The following GARIN2 variants were observed in gnomAD, a reference collection of about 807,000 sequenced individuals.
GARIN2 encodes the protein golgi associated RAB2 interactor family member 2.
At chr14:67,204,675 A>G in the GARIN2 span, 38 of 1,613,924 alleles carry the variant, frequency 2.4e-5, no homozygotes, top group Non-Finnish European at 3.1e-5. Flanking sequence ...TGTTTTCTCA[A>G]TGGGTGGCCC....
chr14:67,190,934 A>G, the GARIN2 span, among the ~76,000 whole-genome samples: 2 of 152,234 alleles, frequency 1.3e-5, no homozygotes, highest in African/African-American at 2.4e-5. Context: ...AAATGCTGTC[A>G]TTTAAGAGCT....
At chr14:67,204,648 A>G in the GARIN2 span, 7 of 1,613,804 alleles carry the variant, frequency 4.3e-6, no homozygotes, top group Admixed American at 1.2e-4. Context: ...GCACCTCTGC[A>G]TATAAACAGG....
chr14:67,214,646 C>T, the GARIN2 span, among the ~76,000 whole-genome samples: 6 of 151,762 alleles, frequency 4.0e-5, no homozygotes, highest in South Asian at 2.1e-4. Context: ...CTTGGCGATG[C>T]GGGCTCTTTT....
chr14:67,199,924 G>A, the GARIN2 span: 8 of 1,471,906 alleles, frequency 5.4e-6, no homozygotes, highest in South Asian at 1.1e-4. Flanking sequence ...TCCTGGTCAT[G>A]GACACTCCCA....
At chr14:67,199,916 C>CCA in the GARIN2 span, 1 of 1,474,308 alleles carries the variant, frequency 6.8e-7, no homozygotes, top group East Asian at 2.3e-5. Context: ...GCAGGACATC[C>CCA]TGGTCATGGA....
the GARIN2 span, among the ~76,000 whole-genome samples, chr14:67,193,116 C>CTATA: frequency 6.3e-5 from 9 of 142,000 alleles, no homozygotes; most frequent in African/African-American, 2.3e-4. Flanking sequence ...ATATAGATAT[C>CTATA]TCTCTATATA....
the GARIN2 span, among the ~76,000 whole-genome samples, chr14:67,206,706 G>A: frequency 6.6e-6 from 1 of 151,826 alleles, no homozygotes; most frequent in African/African-American, 2.4e-5. Flanking sequence ...TCTGGGCAGT[G>A]GCATCAAACA....
the GARIN2 span, among the ~76,000 whole-genome samples, chr14:67,224,467 A>G: frequency 6.6e-6 from 1 of 151,916 alleles, no homozygotes; most frequent in East Asian, 1.9e-4. Context: ...TCATTGTGTT[A>G]GCCAGGATGG....
At chr14:67,194,826 T>C in the GARIN2 span, among the ~76,000 whole-genome samples, 1 of 152,086 alleles carries the variant, frequency 6.6e-6, no homozygotes, top group African/African-American at 2.4e-5. Flanking sequence ...CCAGGCTAAT[T>C]TTTATATTTT....
At chr14:67,196,921 C>T in the GARIN2 span, 6 of 152,084 alleles carry the variant, frequency 3.9e-5, no homozygotes, top group South Asian at 6.2e-4. Context: ...CTTTTGTATA[C>T]AAATTAGTGC....
At chr14:67,225,155 C>G in the GARIN2 span, 1 of 1,585,442 alleles carries the variant, frequency 6.3e-7, no homozygotes, top group East Asian at 2.3e-5. Context: ...CTAATTTCCT[C>G]AAACTTGTGC....
chr14:67,212,668 A>G, the GARIN2 span, among the ~76,000 whole-genome samples: 1 of 129,796 alleles, frequency 7.7e-6, no homozygotes, highest in Non-Finnish European at 1.7e-5. Flanking sequence ...ATATATTTAC[A>G]CATACATACA....
chr14:67,199,148 G>A, the GARIN2 span: 5 of 1,548,420 alleles, frequency 3.2e-6, no homozygotes, highest in African/African-American at 1.4e-5. Context: ...AACCGCTACT[G>A]TGGGAACTGT....
chr14:67,196,579 G>A, the GARIN2 span, among the ~76,000 whole-genome samples: 1 of 152,168 alleles, frequency 6.6e-6, no homozygotes, highest in Non-Finnish European at 1.5e-5. Context: ...GTAATCGTAA[G>A]GAGCACACTT....
the GARIN2 span, among the ~76,000 whole-genome samples, chr14:67,220,225 C>G: frequency 6.6e-6 from 1 of 152,062 alleles, no homozygotes. Context: ...GGCTTGGGCT[C>G]AGGAGCTCAA....
chr14:67,221,932 T>C, the GARIN2 span: 1 of 1,198,800 alleles, frequency 8.3e-7, no homozygotes, highest in Non-Finnish European at 1.2e-6. Context: ...ATGCATTTCC[T>C]TTCTTCACTA....
chr14:67,225,969 G>A, the GARIN2 span, among the ~76,000 whole-genome samples: 6 of 147,146 alleles, frequency 4.1e-5, no homozygotes, highest in Admixed American at 2.0e-4. Context: ...GTGTGCGCGC[G>A]CGCGCGTGCG....
At chr14:67,201,824 CTGAGAAACTACAGTG>C in the GARIN2 span, 1 of 257,532 alleles carries the variant, frequency 3.9e-6, no homozygotes, top group Non-Finnish European at 7.7e-6. Context: ...TATCATACAG[CTGAGAAACTACAGTG>C]TAGCTCCTCT....
the GARIN2 span, among the ~76,000 whole-genome samples, chr14:67,209,481 A>T: frequency 6.6e-5 from 10 of 152,300 alleles, no homozygotes; most frequent in African/African-American, 1.9e-4. Context: ...AAATCATTTT[A>T]AAAAAATAAA....
Sources: allele counts gnomAD v4.1 joint callset (sites outside exome capture counted in the v4.1 genomes callset), GRCh38; gene constraint gnomAD v4.1.1; transcripts MANE v1.5; gene names NCBI Gene and HGNC (gene_info 2026-07-23, HGNC 2026-07-21).